Variants in PLA2G4A observed in about 807,000 individuals in gnomAD.
PLA2G4A encodes phospholipase A2 group IVA.
Under a neutral mutation model 81.9 loss-of-function variants are expected in PLA2G4A, and 40 were observed. That is an observed-to-expected ratio of 0.49 (90% CI 0.38 to 0.64). PLA2G4A has a LOEUF of 0.64. Ranked by LOEUF, PLA2G4A falls within the 30% of genes least tolerant of loss-of-function variation. PLA2G4A has a pLI of 0.00. For missense variants in PLA2G4A, 715 were observed against 905.1 expected (o/e 0.79, Z 2.69); for synonymous variants, 302 against 296.9 (o/e 1.02, Z -0.18).
At chr1:186,948,420 A>G (rs1656417129) in intron 12 of PLA2G4A, among the ~76,000 whole-genome samples, 1 of 151,642 alleles carries the variant, frequency 6.6e-6, no homozygotes, top group South Asian at 2.1e-4. Flanking sequence ...ATCTTACTTG[A>G]TTTCTTTTAA....
chr1:186,930,682 A>G (rs533947236), intron 7 of PLA2G4A, among the ~76,000 whole-genome samples: 2 of 152,318 alleles, frequency 1.3e-5, no homozygotes, highest in East Asian at 3.9e-4. Context: ...AACCATACCT[A>G]TAGACTCAAA....
chr1:186,972,257 A>T (rs553610329), intron 15 of PLA2G4A, among the ~76,000 whole-genome samples: 1 of 152,254 alleles, frequency 6.6e-6, no homozygotes, highest in Non-Finnish European at 1.5e-5. Context: ...TAACAAAAGC[A>T]GCTTTGTGTT....
At chr1:186,905,649 A>T (rs1654707265) in intron 5 of PLA2G4A, among the ~76,000 whole-genome samples, 1 of 152,284 alleles carries the variant, frequency 6.6e-6, no homozygotes, top group Non-Finnish European at 1.5e-5. Context: ...CCCCAATAGT[A>T]ATCAGCTATT....
chr1:186,956,102 G>T lies in PLA2G4A; in HGVS notation c.1337G>T (p.Gly446Val). The change falls in exon 14 of 18, where the codon GGC becomes GTC. Residue 446 changes from glycine (G) to valine (V), a missense_variant and splice_region_variant. By Grantham distance (109) the Gly-to-Val change is moderately radical. Coordinates refer to ENST00000367466, the MANE Select transcript of PLA2G4A (RefSeq NM_024420.3). ...ATGGTGACCTTTTATTTTTCCCTAG[G>T]CACTGAAAATGAAGATGCTGGAAGT... ...DSDDESHEPK[G>V]TENEDAGSDY... is the part of the protein sequence containing the mutation. The T allele has an allele frequency of 6.2e-7, 1 of 1,612,656 alleles. No homozygotes were observed. The highest frequency in any genetic ancestry group is 8.5e-7 in the Non-Finnish European group (1 of 1,178,922).
chr1:186,893,572 T>C (rs1332240432), intron 4 of PLA2G4A, among the ~76,000 whole-genome samples: 1 of 152,156 alleles, frequency 6.6e-6, no homozygotes, highest in East Asian at 1.9e-4. Flanking sequence ...GAAAACATGA[T>C]AATTGAATAA....
At position 186,893,169 on chromosome 1, in the gene PLA2G4A, C is replaced by A; in HGVS notation, c.264+10C>A. ...GGAAAATGTTTTGGAGGTAAGTGAA[C>A]CATTTGGATGCTGTTAGATGGTTGT... On this transcript the variant is annotated intron_variant, in intron 4 of 17. Coordinates refer to ENST00000367466, the MANE Select transcript of PLA2G4A (RefSeq NM_024420.3). The A allele has an allele frequency of 6.2e-7, 1 of 1,607,058 alleles. No individual in the cohort carries two copies. Among genetic ancestry groups the A allele is most frequent in the Non-Finnish European group, 8.5e-7 (1 of 1,173,742 alleles).
At chr1:186,900,416 C>T (rs994352959) in intron 5 of PLA2G4A, among the ~76,000 whole-genome samples, 1 of 152,164 alleles carries the variant, frequency 6.6e-6, no homozygotes, top group African/African-American at 2.4e-5. Context: ...CCAGATTTAA[C>T]TAAATGTGTA....
At chr1:186,962,788 G>A (rs762154315) in intron 14 of PLA2G4A, among the ~76,000 whole-genome samples, 1 of 151,406 alleles carries the variant, frequency 6.6e-6, no homozygotes, top group Non-Finnish European at 1.5e-5. Context: ...CCAAAGTGCT[G>A]GGATTAACAG....
intron 15 of PLA2G4A, among the ~76,000 whole-genome samples, chr1:186,976,622 T>C (rs1161120588): frequency 6.6e-6 from 1 of 152,242 alleles, no homozygotes; most frequent in Non-Finnish European, 1.5e-5. Context: ...CTCAGGCATC[T>C]GGTCCCAGAA....
intron 2 of PLA2G4A, among the ~76,000 whole-genome samples, chr1:186,859,183 G>T (rs1652708018): frequency 1.3e-5 from 2 of 152,078 alleles, no homozygotes; most frequent in African/African-American, 4.8e-5. Context: ...GGGACATGTT[G>T]GAGAATCCTG....
chr1:186,938,567 GA>G (rs1203685110), intron 8 of PLA2G4A, among the ~76,000 whole-genome samples: 2 of 152,118 alleles, frequency 1.3e-5, no homozygotes, highest in African/African-American at 4.8e-5. Context: ...CAATAGTTGG[GA>G]CAACATATTT....
chr1:186,962,595 C>G (rs1011389688), intron 14 of PLA2G4A, among the ~76,000 whole-genome samples: 2 of 151,928 alleles, frequency 1.3e-5, no homozygotes, highest in Non-Finnish European at 2.9e-5. Context: ...GATCTCGGCT[C>G]TCTGCAAGCT....
intron 1 of PLA2G4A, among the ~76,000 whole-genome samples, chr1:186,833,127 TG>T (rs1651658220): frequency 6.6e-6 from 1 of 152,170 alleles, no homozygotes; most frequent in African/African-American, 2.4e-5. Flanking sequence ...TTTGTAAGGC[TG>T]GGTGCAGTGG....
At chr1:186,837,974 G>T (rs1651849604) in intron 1 of PLA2G4A, among the ~76,000 whole-genome samples, 1 of 152,014 alleles carries the variant, frequency 6.6e-6, no homozygotes, top group Non-Finnish European at 1.5e-5. Flanking sequence ...TTTGATGGTG[G>T]GAAGATGAGA....
intron 1 of PLA2G4A, among the ~76,000 whole-genome samples, chr1:186,843,702 T>C (rs1652069050): frequency 6.6e-6 from 1 of 152,176 alleles, no homozygotes; most frequent in Admixed American, 6.5e-5. Context: ...GAGGTGTGGG[T>C]AAGGAAAGCA....
chr1:186,866,532 T>C (rs1244152970), intron 2 of PLA2G4A, among the ~76,000 whole-genome samples: 5 of 152,176 alleles, frequency 3.3e-5, no homozygotes, highest in Non-Finnish European at 5.9e-5. Flanking sequence ...TAGTAGAATG[T>C]ATGACATATG....
rs140592770 is a variant in PLA2G4A, at chr1:186,970,719, A to G, written c.1764+5126A>G. 1.6e-4 allele frequency among the ~76,000 whole-genome samples: 25 copies of G among 152,052 alleles called. No homozygotes were observed. The East Asian group carries it at 4.4e-3, about 27-fold the overall frequency. Reference sequence around the variant, plus strand: ...TTTGTTGCAAATGAGTTGAACTGCAATGGGTGGATTTATTTCTGGGTTCTC... The same window carrying G: ...TTTGTTGCAAATGAGTTGAACTGCAGTGGGTGGATTTATTTCTGGGTTCTC... On this transcript the variant is annotated intron_variant, in intron 15 of 17. Coordinates refer to ENST00000367466, the MANE Select transcript of PLA2G4A (RefSeq NM_024420.3).
At position 186,977,641 on chromosome 1, in the gene PLA2G4A, C is replaced by G; in HGVS notation, c.1813C>G (p.Pro605Ala). The G allele has an allele frequency of 6.2e-7, 1 of 1,613,748 alleles. No homozygotes were observed. Among genetic ancestry groups the G allele is most frequent in the Non-Finnish European group, 8.5e-7 (1 of 1,179,664 alleles). Residue 605 changes from proline to alanine, a missense_variant, in exon 16 of 18, where the codon CCA becomes GCA. Pro to Ala is a conservative substitution (Grantham distance 27). Coordinates refer to ENST00000367466, the MANE Select transcript of PLA2G4A (RefSeq NM_024420.3). Reference protein sequence around the residue: ...KWAKMNKLPFPKIDPYVFDRE... With the variant: ...KWAKMNKLPFAKIDPYVFDRE... ...GGCTAAAATGAACAAGCTCCCCTTT[C>G]CAAAGATTGATCCTTATGTGTTTGA...
chr1:186,856,114 A>C (rs1003296229), intron 2 of PLA2G4A, among the ~76,000 whole-genome samples: 8 of 151,900 alleles, frequency 5.3e-5, no homozygotes, highest in African/African-American at 1.9e-4. Context: ...ATGCACACAA[A>C]ATTGCTGGGA....
Sources: gnomAD v4.1 joint callset for allele counts (sites outside exome capture counted in the v4.1 genomes callset) on GRCh38, gnomAD v4.1.1 for gene constraint, MANE v1.5 for transcripts, NCBI Gene and HGNC (gene_info 2026-07-23, HGNC 2026-07-21) for gene names.